The following SLC36A1 variants were observed in gnomAD, a reference collection of about 807,000 sequenced individuals.
The protein encoded by SLC36A1 is proton-coupled amino acid transporter 1.
In SLC36A1, 30 loss-of-function variants were observed where a neutral mutation model predicts 47.5. The observed-to-expected ratio is 0.63, with a 90% CI of 0.47 to 0.86. The LOEUF (loss-of-function observed/expected upper bound fraction) is 0.86, where lower values mean the gene tolerates loss of function less well. SLC36A1 is among the 40% of genes least tolerant of loss of function. SLC36A1 has a pLI of 0.00. For missense variants in SLC36A1, 517 were observed against 606.0 expected, an observed-to-expected ratio of 0.85 and a Z score of 1.54; for synonymous variants, 255 against 249.7, an observed-to-expected ratio of 1.02 and a Z score of -0.20.
chr5:151,485,937 G>A (rs1005842503), intron 10 of SLC36A1, among the ~76,000 whole-genome samples: 4 of 152,190 alleles, frequency 2.6e-5, no homozygotes, highest in African/African-American at 4.8e-5. Flanking sequence ...GTAAATAGCC[G>A]TCCGTGGCTA....
the SLC36A1 span, chr5:151,412,473 T>TAC: frequency 2.1e-5 from 3 of 144,018 alleles, 1 homozygote; most frequent in Non-Finnish European, 3.1e-5. Flanking sequence ...TTGTTCTACA[T>TAC]ACACACACAT....
At chr5:151,521,548 A>C in the SLC36A1 span, 1 of 1,614,210 alleles carries the variant, frequency 6.2e-7, no homozygotes, top group Non-Finnish European at 8.5e-7. Flanking sequence ...GACCAGGAGC[A>C]CATCCACACC....
the SLC36A1 span, among the ~76,000 whole-genome samples, chr5:151,352,550 G>A: frequency 7.1e-6 from 1 of 140,472 alleles, no homozygotes. Context: ...CAGTTCTGAA[G>A]GCCAGAAGCC....
the SLC36A1 span, among the ~76,000 whole-genome samples, chr5:151,374,036 A>T: frequency 0.54 from 81,564 of 151,942 alleles, 25,083 homozygotes; most frequent in African/African-American, 0.86. Context: ...GATGAATAAC[A>T]CCTTCCTTCT....
the SLC36A1 span, chr5:151,543,442 C>G: frequency 4.3e-6 from 7 of 1,614,144 alleles, 1 homozygote; most frequent in Admixed American, 1.0e-4. Flanking sequence ...TCTTCCTCCT[C>G]CATCCCGAGC....
At chr5:151,527,313 G>T in the SLC36A1 span, 1 of 1,613,746 alleles carries the variant, frequency 6.2e-7, no homozygotes, top group Non-Finnish European at 8.5e-7. Flanking sequence ...AGCGATGTCT[G>T]TGTCCTCATG....
chr5:151,361,862 T>A, the SLC36A1 span, among the ~76,000 whole-genome samples: 2 of 152,142 alleles, frequency 1.3e-5, no homozygotes. Flanking sequence ...GGATGACAGT[T>A]TTTTTTTCTT....
At chr5:151,517,849 G>C in the SLC36A1 span, 1 of 1,510,972 alleles carries the variant, frequency 6.6e-7, no homozygotes, top group Non-Finnish European at 9.1e-7. Context: ...TTTAATCCTT[G>C]GGTGGCAGAC....
At chr5:151,528,548 G>T in the SLC36A1 span, among the ~76,000 whole-genome samples, 1 of 152,192 alleles carries the variant, frequency 6.6e-6, no homozygotes, top group African/African-American at 2.4e-5. Context: ...AGGTTCTTTC[G>T]GGGCTGGAGC....
rs150291517 is a variant in SLC36A1, at chr5:151,451,532, C to T, written c.-6+3719C>T. Among the ~76,000 whole-genome samples, 6 of 152,322 alleles carry T rather than the reference C, an allele frequency of 3.9e-5. No homozygotes were observed. In the East Asian group the frequency reaches 1.2e-3, roughly 29 times the overall value. ...TTTTAAATGGAGCCCATACTGCAGA[C>T]TTTGTTTAGTGAACTTTCTCACTTT... On this transcript the variant is annotated intron_variant, in intron 1 of 10. Coordinates refer to ENST00000243389, the MANE Select transcript of SLC36A1 (RefSeq NM_078483.4).
chr5:151,544,884 A>G, the SLC36A1 span: 23 of 1,613,658 alleles, frequency 1.4e-5, no homozygotes, highest in Admixed American at 3.3e-5. Context: ...GCTCTGTGCC[A>G]TCTTGGATGA....
chr5:151,534,732 G>T, the SLC36A1 span: 2 of 1,111,592 alleles, frequency 1.8e-6, no homozygotes, highest in Non-Finnish European at 2.6e-6. Context: ...GACAAACCCA[G>T]CCACACAGAG....
chr5:151,543,914 CA>C, the SLC36A1 span: 1 of 1,614,168 alleles, frequency 6.2e-7, no homozygotes, highest in Non-Finnish European at 8.5e-7. Context: ...CTGTCAGGGT[CA>C]ATAGCCTGGA....
At chr5:151,400,641 C>A in the SLC36A1 span, among the ~76,000 whole-genome samples, 1 of 152,120 alleles carries the variant, frequency 6.6e-6, no homozygotes. Flanking sequence ...TAAGTATCCC[C>A]TTTTCTCCAC....
At chr5:151,429,911 G>T in the SLC36A1 span, among the ~76,000 whole-genome samples, 4 of 152,108 alleles carry the variant, frequency 2.6e-5, no homozygotes, top group African/African-American at 9.7e-5. Context: ...CAATAACATA[G>T]ACTTCTTCAG....
At chr5:151,468,293 A>T (rs1395943778) in intron 7 of SLC36A1, among the ~76,000 whole-genome samples, 6 of 83,212 alleles carry the variant, frequency 7.2e-5, no homozygotes, top group African/African-American at 2.0e-4. Flanking sequence ...ATATATATAT[A>T]TTTTATATAT....
chr5:151,349,200 T>C, the SLC36A1 span, among the ~76,000 whole-genome samples: 1 of 152,202 alleles, frequency 6.6e-6, no homozygotes, highest in Admixed American at 6.5e-5. Context: ...TATGAGCTAG[T>C]TCTTGCCTTC....
rs534829551 is a variant in SLC36A1, at chr5:151,467,064, A to C, written c.420-135A>C. 1.5e-5 allele frequency: 10 copies of C among 667,804 alleles called. No individual in the cohort carries two copies. In the African/African-American group the frequency reaches 1.8e-4, roughly 12 times the overall value. 41.4% of individuals were successfully genotyped at this position (667,804 alleles called of 1,614,324 possible). On this transcript the variant is annotated intron_variant, in intron 5 of 10. Coordinates refer to ENST00000243389, the MANE Select transcript of SLC36A1 (RefSeq NM_078483.4). ...AAACGCCCAGGCACTACCACTATGC[A>C]GTATATCCATTTAACAAAACAGCAC...
At chr5:151,517,088 A>C in the SLC36A1 span, among the ~76,000 whole-genome samples, 9 of 151,526 alleles carry the variant, frequency 5.9e-5, no homozygotes, top group African/African-American at 2.2e-4. Flanking sequence ...AGCCTCGGTG[A>C]CAGAGAGAGA....
Sources: gnomAD v4.1 joint callset for allele counts (sites outside exome capture counted in the v4.1 genomes callset) on GRCh38, gnomAD v4.1.1 for gene constraint, MANE v1.5 for transcripts, NCBI Gene and HGNC (gene_info 2026-07-23, HGNC 2026-07-21) for gene names.